PTPRD: variants seen among roughly 807,000 people sequenced by gnomAD.
PTPRD encodes the protein receptor-type tyrosine-protein phosphatase delta.
A neutral mutation model predicts 214.5 loss-of-function variants in PTPRD; 34 were observed. The observed-to-expected ratio is 0.16, with a 90% CI of 0.12 to 0.21. The LOEUF (loss-of-function observed/expected upper bound fraction) is 0.21. Ranked by LOEUF, PTPRD falls within the 10% of genes least tolerant of loss-of-function variation. The probability of loss-of-function intolerance (pLI) is 1.00; values close to 1 mark genes in which losing one functional copy is unlikely to be tolerated. For missense variants in PTPRD, 2,545 were observed against 2,398.7 expected (o/e 1.06, Z -1.27); for synonymous variants, 1,128 against 845.7 (o/e 1.33, Z -5.79).
At chr9:8,484,447 T>A (rs1034105713) in intron 29 of PTPRD, 69 bp from the exon 30 acceptor site, 2 of 1,490,698 alleles carry the variant, frequency 1.3e-6, no homozygotes, top group East Asian at 4.6e-5. Context: ...TCTAAACCAA[T>A]GTGCACTAGC....
chr9:8,970,805 A>G (rs1413857059), intron 11 of PTPRD, among the ~76,000 whole-genome samples: 1 of 151,760 alleles, frequency 6.6e-6, no homozygotes, highest in African/African-American at 2.4e-5. Context: ...ACCAAAACAC[A>G]TGGAAGAAAA....
Position 8,674,536 on chromosome 9 carries a change from T to A in PTPRD, c.65-37692A>T, listed in dbSNP as rs141765614. On this transcript the variant is annotated intron_variant, in intron 12 of 45. Coordinates refer to ENST00000381196, the MANE Select transcript of PTPRD (RefSeq NM_002839.4). Reference sequence around the variant, plus strand: ...GTAAAATTCCAATACTAAGGATTATTTGATGGCTAAAAAATTAGTTCTGCT... The same window carrying A: ...GTAAAATTCCAATACTAAGGATTATATGATGGCTAAAAAATTAGTTCTGCT... Among the ~76,000 whole-genome samples the A allele has an allele frequency of 2.6e-5, 4 of 151,754 alleles. No individual in the cohort carries two copies. In the East Asian group the frequency reaches 7.7e-4, roughly 29 times the overall value.
At chr9:10,508,366 A>T (rs1589708251) in intron 2 of PTPRD, among the ~76,000 whole-genome samples, 1 of 152,178 alleles carries the variant, frequency 6.6e-6, no homozygotes, top group African/African-American at 2.4e-5. Context: ...AACTAGTTCA[A>T]CCATTGTGGA....
At chr9:8,419,699 A>T (rs1040155832) in intron 35 of PTPRD, among the ~76,000 whole-genome samples, 6 of 152,040 alleles carry the variant, frequency 3.9e-5, no homozygotes, top group African/African-American at 1.4e-4. Flanking sequence ...TTTTGGATGA[A>T]ATTATAAAAC....
intron 10 of PTPRD, among the ~76,000 whole-genome samples, chr9:9,044,456 T>C (rs2099663923): frequency 6.6e-6 from 1 of 152,230 alleles, no homozygotes. Flanking sequence ...ATGAGATTCC[T>C]CACTGCCTCC....
At chr9:9,824,448 T>A (rs1286551805) in intron 5 of PTPRD, among the ~76,000 whole-genome samples, 1 of 152,088 alleles carries the variant, frequency 6.6e-6, no homozygotes, top group Non-Finnish European at 1.5e-5. Flanking sequence ...ATTTGCTTAA[T>A]GCTTTGTGTG....
At chr9:9,712,878 T>G (rs1595827574) in intron 7 of PTPRD, among the ~76,000 whole-genome samples, 1 of 152,222 alleles carries the variant, frequency 6.6e-6, no homozygotes, top group African/African-American at 2.4e-5. Flanking sequence ...GTTATGTTAT[T>G]GCTATAGTGA....
chr9:8,870,687 A>AACACACACACAC (rs3046878), intron 11 of PTPRD, among the ~76,000 whole-genome samples: 6,132 of 131,352 alleles, frequency 0.047, 198 homozygotes, highest in African/African-American at 0.077. Flanking sequence ...ACAGACATGA[A>AACACACACACAC]ACACACACAC....
intron 5 of PTPRD, among the ~76,000 whole-genome samples, chr9:9,780,824 A>G (rs533238829): frequency 5.2e-4 from 79 of 152,352 alleles, no homozygotes; most frequent in African/African-American, 1.7e-3. Flanking sequence ...ACTCTGATAC[A>G]TCCACATAGT....
At chr9:10,275,841 G>A (rs911663759) in intron 3 of PTPRD, among the ~76,000 whole-genome samples, 1 of 152,088 alleles carries the variant, frequency 6.6e-6, no homozygotes, top group African/African-American at 2.4e-5. Flanking sequence ...TGCCCCAAGT[G>A]GAGAAAAATC....
At chr9:9,248,196 G>C (rs1461162552) in intron 9 of PTPRD, among the ~76,000 whole-genome samples, 1 of 151,924 alleles carries the variant, frequency 6.6e-6, no homozygotes, top group Non-Finnish European at 1.5e-5. Flanking sequence ...AGGTTCAAGT[G>C]ATTCTCCTGC....
chr9:8,890,690 T>A (rs919731075), intron 11 of PTPRD, among the ~76,000 whole-genome samples: 4 of 152,214 alleles, frequency 2.6e-5, no homozygotes, highest in Non-Finnish European at 5.9e-5. Context: ...TTTACTTTTC[T>A]CTCCTTTGAG....
intron 14 of PTPRD, among the ~76,000 whole-genome samples, chr9:8,574,133 A>G (rs1175074134): frequency 6.6e-6 from 1 of 151,908 alleles, no homozygotes; most frequent in African/African-American, 2.4e-5. Flanking sequence ...GGAACATGCT[A>G]TGCCATTCAC....
At position 10,230,412 on chromosome 9, in the gene PTPRD, C is replaced by CTATCTATA. The variant is rs1554901156; in HGVS notation, c.-545+110550_-545+110551insTATAGATA. Reference sequence around the variant, plus strand: ...AACAGCTATCTATCTCTCTATGTATCTATCTATGTATCTATGTATCTATGT... The same window carrying CTATCTATA: ...AACAGCTATCTATCTCTCTATGTATCTATCTATATATCTATGTATCTATGTATCTATGT... On this transcript the variant is annotated intron_variant, in intron 3 of 45. Coordinates refer to ENST00000381196, the MANE Select transcript of PTPRD (RefSeq NM_002839.4). 7.1e-5 allele frequency among the ~76,000 whole-genome samples: 9 copies of CTATCTATA among 126,670 alleles called. No homozygotes were observed. In the East Asian group the frequency reaches 2.2e-3, roughly 31 times the overall value. 83.1% of individuals were successfully genotyped at this position (126,670 alleles called of 152,430 possible).
At chr9:10,023,203 G>A (rs1002011346) in intron 4 of PTPRD, among the ~76,000 whole-genome samples, 5 of 151,920 alleles carry the variant, frequency 3.3e-5, no homozygotes, top group Non-Finnish European at 5.9e-5. Flanking sequence ...TCACTGTTAC[G>A]ACTAATCAAA....
intron 2 of PTPRD, among the ~76,000 whole-genome samples, chr9:10,346,556 G>C (rs994349392): frequency 1.3e-5 from 2 of 152,148 alleles, no homozygotes; most frequent in Non-Finnish European, 2.9e-5. Context: ...AGTGATATTA[G>C]AATTCCAGAA....
intron 12 of PTPRD, among the ~76,000 whole-genome samples, chr9:8,719,667 C>G (rs956853273): frequency 6.6e-6 from 1 of 151,802 alleles, no homozygotes; most frequent in Non-Finnish European, 1.5e-5. Context: ...TTTCTTGTTA[C>G]AGTGGCAGAG....
chr9:9,633,140 C>A (rs969743263), intron 7 of PTPRD, among the ~76,000 whole-genome samples: 59 of 151,916 alleles, frequency 3.9e-4, no homozygotes, highest in African/African-American at 1.4e-3. Context: ...ACTAAAAATA[C>A]AAAAATTAAA....
intron 7 of PTPRD, among the ~76,000 whole-genome samples, chr9:9,689,389 TAA>T (rs542297317): frequency 5.9e-5 from 9 of 152,036 alleles, no homozygotes; most frequent in Non-Finnish European, 1.3e-4. Flanking sequence ...TATTGATATA[TAA>T]GAGATGCACA....
Sources: allele counts gnomAD v4.1 joint callset (sites outside exome capture counted in the v4.1 genomes callset), GRCh38; gene constraint gnomAD v4.1.1; transcripts MANE v1.5; gene names NCBI Gene and HGNC (gene_info 2026-07-23, HGNC 2026-07-21).